Variants in SLC4A10 observed in about 807,000 individuals in gnomAD.
SLC4A10 encodes solute carrier family 4 member 10.
SLC4A10 carries 42 observed loss-of-function variants against 137.7 expected under a neutral mutation model. That is an observed-to-expected ratio of 0.30 (90% CI 0.24 to 0.39). The LOEUF is 0.39. Ranked by LOEUF, SLC4A10 falls within the 10% of genes least tolerant of loss-of-function variation. SLC4A10 has a pLI of 1.00. For missense variants in SLC4A10, 925 were observed against 1,355.0 expected (o/e 0.68, Z 4.98); for synonymous variants, 474 against 464.1 (o/e 1.02, Z -0.27).
At chr2:161,834,979 A>G (rs995777846) in intron 3 of SLC4A10, among the ~76,000 whole-genome samples, 4 of 151,976 alleles carry the variant, frequency 2.6e-5, no homozygotes, top group Admixed American at 1.3e-4. Context: ...TTGGGGTCAC[A>G]GTCATCGTAA....
chr2:161,675,647 G>A (rs1220590454), intron 1 of SLC4A10, among the ~76,000 whole-genome samples: 2 of 151,614 alleles, frequency 1.3e-5, no homozygotes, highest in South Asian at 2.1e-4. Flanking sequence ...TCTTTTTAAT[G>A]CTCCTATTAA....
At chr2:161,789,133 G>C (rs1574973957) in intron 2 of SLC4A10, among the ~76,000 whole-genome samples, 1 of 152,304 alleles carries the variant, frequency 6.6e-6, no homozygotes, top group East Asian at 1.9e-4. Context: ...TCTCAGTTAG[G>C]GCCTGAGGGG....
intron 1 of SLC4A10, among the ~76,000 whole-genome samples, chr2:161,715,939 C>T (rs1437033461): frequency 6.6e-6 from 1 of 152,138 alleles, no homozygotes; most frequent in Non-Finnish European, 1.5e-5. Context: ...AACTAATTTA[C>T]ATTCCCACCA....
At chr2:161,905,311 A>T (rs1033937871) in intron 14 of SLC4A10, among the ~76,000 whole-genome samples, 4 of 152,328 alleles carry the variant, frequency 2.6e-5, no homozygotes, top group African/African-American at 9.6e-5. Context: ...CATAAGGAGC[A>T]CACAATCTAG....
At chr2:161,902,868 T>C (rs1683431589) in intron 12 of SLC4A10, among the ~76,000 whole-genome samples, 1 of 152,290 alleles carries the variant, frequency 6.6e-6, no homozygotes, top group Non-Finnish European at 1.5e-5. Context: ...AATATTCCTA[T>C]GCATAAAATA....
chr2:161,822,999 A>G (rs2057751252), intron 3 of SLC4A10, among the ~76,000 whole-genome samples: 3 of 152,140 alleles, frequency 2.0e-5, no homozygotes. Flanking sequence ...ATATATATAT[A>G]CTTTTTTTTT....
chr2:161,674,223 G>A (rs1484728523), intron 1 of SLC4A10, among the ~76,000 whole-genome samples: 5 of 152,138 alleles, frequency 3.3e-5, no homozygotes, highest in African/African-American at 9.7e-5. Context: ...AATACTCCTA[G>A]ATGTGTGACT....
chr2:161,860,405 T>C (rs1294451244), intron 5 of SLC4A10, among the ~76,000 whole-genome samples: 2 of 152,188 alleles, frequency 1.3e-5, no homozygotes, highest in African/African-American at 2.4e-5. Flanking sequence ...TGTGATTACT[T>C]TTGATTCTGA....
intron 10 of SLC4A10, among the ~76,000 whole-genome samples, chr2:161,887,213 C>T (rs528133121): frequency 6.6e-6 from 1 of 152,192 alleles, no homozygotes; most frequent in South Asian, 2.1e-4. Flanking sequence ...TGGGTTGGTT[C>T]CAAGTCTTTG....
intron 1 of SLC4A10, among the ~76,000 whole-genome samples, chr2:161,653,552 G>T (rs1304896290): frequency 3.9e-5 from 6 of 152,144 alleles, no homozygotes; most frequent in African/African-American, 1.4e-4. Flanking sequence ...ACTGGCATGA[G>T]ATGGTATTTC....
At chr2:161,625,104 TGTGTGTG>T (rs2032034759) in intron 1 of SLC4A10, among the ~76,000 whole-genome samples, 1 of 100,952 alleles carries the variant, frequency 9.9e-6, no homozygotes, top group African/African-American at 3.4e-5. Context: ...TGTGTGTGTG[TGTGTGTG>T]TTCTGTCTCT....
intron 2 of SLC4A10, among the ~76,000 whole-genome samples, chr2:161,800,020 G>T (rs921908202): frequency 6.6e-6 from 1 of 151,978 alleles, no homozygotes; most frequent in Non-Finnish European, 1.5e-5. Flanking sequence ...AGAAGGTCCT[G>T]GTTTAAACCC....
intron 4 of SLC4A10, among the ~76,000 whole-genome samples, chr2:161,847,008 A>G (rs2059537087): frequency 6.6e-6 from 1 of 151,682 alleles, no homozygotes; most frequent in Admixed American, 6.6e-5. Context: ...CAGCTAAGGC[A>G]GGAGGATTAC....
intron 3 of SLC4A10, among the ~76,000 whole-genome samples, chr2:161,831,979 T>C (rs2058462753): frequency 6.6e-6 from 1 of 152,182 alleles, no homozygotes; most frequent in South Asian, 2.1e-4. Context: ...CAAGTATGTT[T>C]ATATCGTGAA....
rs149325283 is a variant in SLC4A10 at position 161,893,865 on chromosome 2, C to T, written c.1195-814C>T. Reference sequence around the variant, plus strand: ...GATTTAAAGTACAGATGCTCCTCAACTTTCAATGGGGGATTATGTCCCCCC... The same window carrying T: ...GATTTAAAGTACAGATGCTCCTCAATTTTCAATGGGGGATTATGTCCCCCC... On this transcript the variant is annotated intron_variant, in intron 10 of 26. Transcript: ENST00000446997. Among the ~76,000 whole-genome samples, 11 of 151,950 alleles carry T rather than the reference C, an allele frequency of 7.2e-5. No individual in the cohort carries two copies. The East Asian group carries it at 2.1e-3, about 29-fold the overall frequency.
At chr2:161,770,912 T>C (rs1460398926) in intron 1 of SLC4A10, 61 bp from the exon 2 acceptor site, 32 of 1,244,394 alleles carry the variant, frequency 2.6e-5, no homozygotes, top group Non-Finnish European at 3.5e-5. Flanking sequence ...TCAAGGTTTG[T>C]TTTTTGAAAT....
intron 3 of SLC4A10, among the ~76,000 whole-genome samples, chr2:161,835,184 C>T (rs1190268742): frequency 2.6e-5 from 4 of 152,034 alleles, no homozygotes; most frequent in East Asian, 1.9e-4. Context: ...ACTACAAGCA[C>T]GTGCCACCAT....
chr2:161,671,514 C>A (rs144578990), intron 1 of SLC4A10, among the ~76,000 whole-genome samples: 15 of 152,190 alleles, frequency 9.9e-5, no homozygotes, highest in Admixed American at 1.3e-4. Context: ...AAAATTATCT[C>A]ACACTGGGGA....
At chr2:161,924,838 G>A (rs1575665069) in intron 15 of SLC4A10, among the ~76,000 whole-genome samples, 1 of 152,174 alleles carries the variant, frequency 6.6e-6, no homozygotes, top group South Asian at 2.1e-4. Context: ...ACTTTGGAAA[G>A]CAGAGACCAT....
Sources: allele counts gnomAD v4.1 joint callset (sites outside exome capture counted in the v4.1 genomes callset), GRCh38; gene constraint gnomAD v4.1.1; transcripts MANE v1.5; gene names NCBI Gene and HGNC (gene_info 2026-07-23, HGNC 2026-07-21).